The following ILKAP variants were observed in gnomAD, a reference collection of about 807,000 sequenced individuals.
ILKAP encodes integrin-linked kinase-associated serine/threonine phosphatase 2C.
ILKAP carries 11 observed loss-of-function variants against 49.1 expected under a neutral mutation model. That is an observed-to-expected ratio of 0.22 (90% CI 0.14 to 0.37). The LOEUF (loss-of-function observed/expected upper bound fraction) is 0.37, where lower values mean the gene tolerates loss of function less well. Among genes scored for constraint, ILKAP ranks in the 10% least tolerant of loss-of-function variants. ILKAP has a pLI of 1.00. For synonymous variants in ILKAP, 186 were observed against 192.8 expected (o/e 0.96, Z 0.29); for missense variants, 363 against 510.8 (o/e 0.71, Z 2.79).
rs142249521 is a variant in ILKAP, at chr2:238,175,856, C to A, written c.837-2203G>T. ...CAGTGGCTATTCACAGACATGGTGG[C>A]GCATTATAGCTTCAAGCTCCTGGAC... On this transcript the variant is annotated intron_variant, in intron 9 of 11. Coordinates refer to ENST00000254654, the MANE Select transcript of ILKAP (RefSeq NM_030768.3). 2.6e-5 allele frequency among the ~76,000 whole-genome samples: 4 copies of A among 151,450 alleles called. No individual in the cohort carries two copies. In the South Asian group the frequency reaches 8.4e-4, roughly 32 times the overall value.
chr2:238,189,953 T>A lies in ILKAP; in HGVS notation c.198A>T (p.Ile66=). ...TCCCTTCAGTCTTTACCATCTGGGA[T>A]ATTGATGTGGCAAGAGAACCTGGAA... The part of the protein sequence containing the change: ...SGDSGSLATS[I]SQMVKTEGKG... Residue 66 remains isoleucine (I), a synonymous_variant, in exon 4 of 12, where the codon ATA becomes ATT. Transcript: ENST00000254654. The A allele has an allele frequency of 6.2e-7, 1 of 1,614,032 alleles. No homozygotes were observed. Among genetic ancestry groups the A allele is most frequent in the East Asian group, 2.2e-5 (1 of 44,872 alleles).
At position 238,191,905 on chromosome 2, in the gene ILKAP, A is replaced by G. The variant is rs547601486; in HGVS notation, c.179-1933T>C. ...AGGCAACAGAGCAAGGCTCCATCTC[A>G]AAAAAAAAAAAAAGAAAAAGAAAAA... On this transcript the variant is annotated intron_variant, in intron 3 of 11. Coordinates refer to ENST00000254654, the MANE Select transcript of ILKAP (RefSeq NM_030768.3). Among the ~76,000 whole-genome samples the G allele has an allele frequency of 4.4e-5, 6 of 137,504 alleles. No homozygotes were observed. In the East Asian group the frequency reaches 1.3e-3, roughly 29 times the overall value. 90.2% of individuals were successfully genotyped at this position (137,504 alleles called of 152,430 possible).
chr2:238,178,540 T>C (rs1693562431), intron 9 of ILKAP, among the ~76,000 whole-genome samples: 1 of 152,222 alleles, frequency 6.6e-6, no homozygotes, highest in South Asian at 2.1e-4. Context: ...AATATACTGT[T>C]GTTAAGAACC....
rs1341549485 is a variant in ILKAP, at chr2:238,176,557, TTC to T, written c.837-2906_837-2905del. ...TTTGCTTTGTGCTGCTTTATTTCTC[TTC>T]TCTGTTTTCTGCCAACCAGAAAACT... On this transcript the variant is annotated intron_variant, in intron 9 of 11. Transcript: ENST00000254654. 2.0e-5 allele frequency among the ~76,000 whole-genome samples: 3 copies of T among 152,378 alleles called. No individual in the cohort carries two copies. The East Asian group carries it at 5.8e-4, about 29-fold the overall frequency.
intron 1 of ILKAP, among the ~76,000 whole-genome samples, chr2:238,195,893 A>G (rs1694321274): frequency 6.6e-6 from 1 of 151,634 alleles, no homozygotes; most frequent in Non-Finnish European, 1.5e-5. Context: ...AAATACAAAA[A>G]TTAGCCAGGT....
chr2:238,185,499 T>TTA lies in ILKAP; in HGVS notation c.426-213_426-212insTA, dbSNP rs1553590793. 10 of 430,016 alleles carry TTA rather than the reference T, an allele frequency of 2.3e-5. No homozygotes were observed. The East Asian group carries it at 4.0e-4, about 17-fold the overall frequency. The allele number at this position is 430,016 out of a possible 1,614,324, so 26.6% of individuals were successfully genotyped here. A position where few individuals can be genotyped will look rare whatever the true frequency, so the allele number is the denominator to read the frequency against. On this transcript the variant is annotated intron_variant, in intron 5 of 11. Coordinates refer to ENST00000254654, the MANE Select transcript of ILKAP (RefSeq NM_030768.3). ...ACTTTCACAGCATTTTATCTTTTTT[T>TTA]AAAAAAAAAATACTTGTGTGTGGGC...
In ILKAP at chr2:238,184,051, C is replaced by T; in HGVS notation, c.595G>A (p.Asp199Asn). ...GAAGCTTGTTTAAGGAACTCTTCAT[C>T]AGTATGCTTGAAAGTGTCCAAAAGG... ...RCLLDTFKHT[D>N]EEFLKQASSQ... The change falls in exon 7 of 12, where the codon GAT (aspartate) becomes AAT (asparagine). Residue 199 changes from aspartate (D) to asparagine (N), a missense_variant. Asp to Asn is a conservative substitution (Grantham distance 23). This residue lies in a region of ILKAP where 166 missense variants were observed against 307.3 expected (regional missense o/e 0.54). Transcript: ENST00000254654. 1.2e-6 allele frequency: 2 copies of T among 1,610,914 alleles called. No homozygotes were observed. Among genetic ancestry groups the T allele is most frequent in the Non-Finnish European group, 1.7e-6 (2 of 1,177,022 alleles).
At chr2:238,172,368 C>G (rs1693260402) in intron 10 of ILKAP, among the ~76,000 whole-genome samples, 1 of 152,206 alleles carries the variant, frequency 6.6e-6, no homozygotes, top group South Asian at 2.1e-4. Context: ...CCTCGTTTAA[C>G]TAGGCTTTCA....
Position 238,170,421 on chromosome 2 carries a change from C to A in ILKAP, c.*115G>T. The A allele has an allele frequency of 1.7e-6, 2 of 1,170,724 alleles. No homozygotes were observed. Among genetic ancestry groups the A allele is most frequent in the East Asian group, 2.5e-5 (1 of 40,066 alleles). The allele number at this position is 1,170,724 out of a possible 1,614,324, so 72.5% of individuals were successfully genotyped here. On this transcript the variant is annotated 3_prime_UTR_variant, in exon 12 of 12. Transcript: ENST00000254654. ...AAAGACTAGGAAAAAAAAAGAGAAA[C>A]CTTTATTTACAACCATGGGAGTCCC...
intron 3 of ILKAP, among the ~76,000 whole-genome samples, chr2:238,193,935 AT>A (rs1353425486): frequency 6.6e-6 from 1 of 152,250 alleles, no homozygotes; most frequent in Non-Finnish European, 1.5e-5. Context: ...GCCTCGATAC[AT>A]TTGAGTCAAG....
intron 9 of ILKAP, among the ~76,000 whole-genome samples, chr2:238,177,046 T>G (rs1374387): frequency 0.48 from 73,058 of 152,178 alleles, 17,805 homozygotes; most frequent in Middle Eastern, 0.59. Context: ...ATATGTAAAC[T>G]TCCCATCTGT....
chr2:238,196,689 G>A lies in ILKAP; in HGVS notation c.56-1819C>T, dbSNP rs145731686. Among the ~76,000 whole-genome samples the A allele has an allele frequency of 2.0e-3, 309 of 152,216 alleles. 1 individual carries two copies. Among genetic ancestry groups the A allele is most frequent in the African/African-American group, 6.9e-3 (287 of 41,522 alleles). On this transcript the variant is annotated intron_variant, in intron 1 of 11. Transcript: ENST00000254654. ...AACTTAAGGGAATGAAATTTCTCCC[G>A]GGGTCTTTGCGTCAGAAGTACCTAA... is the stretch of plus-strand genomic sequence containing the variant.
At chr2:238,185,681 A>G in intron 5 of ILKAP, 2 of 166,334 alleles carry the variant, frequency 1.2e-5, no homozygotes, top group Non-Finnish European at 2.6e-5. Context: ...GCAGGCACCT[A>G]CAGTCCCAGC....
intron 9 of ILKAP, among the ~76,000 whole-genome samples, chr2:238,176,411 G>A (rs550076918): frequency 4.6e-5 from 7 of 152,126 alleles, no homozygotes; most frequent in East Asian, 1.9e-4. Flanking sequence ...GATTACAGGC[G>A]TGAGCCACCA....
At chr2:238,176,014 C>T (rs1693436890) in intron 9 of ILKAP, among the ~76,000 whole-genome samples, 1 of 152,134 alleles carries the variant, frequency 6.6e-6, no homozygotes, top group Non-Finnish European at 1.5e-5. Flanking sequence ...GTCTGTTTCA[C>T]AGCAGGTTCT....
At chr2:238,172,665 C>A (rs1212881859) in intron 10 of ILKAP, among the ~76,000 whole-genome samples, 1 of 152,184 alleles carries the variant, frequency 6.6e-6, no homozygotes, top group Non-Finnish European at 1.5e-5. Context: ...TGGCTCAAGA[C>A]AAGGCCAAGC....
intron 1 of ILKAP, 27 bp from the exon 2 acceptor site, chr2:238,194,897 A>C (rs758587790): frequency 6.4e-7 from 1 of 1,552,642 alleles, no homozygotes; most frequent in Non-Finnish European, 8.9e-7. Context: ...CTGTTTAGAG[A>C]GCATATGGTC....
intron 1 of ILKAP, among the ~76,000 whole-genome samples, chr2:238,202,349 A>G (rs1046278746): frequency 6.6e-6 from 1 of 152,190 alleles, no homozygotes; most frequent in African/African-American, 2.4e-5. Context: ...TCCCTCCTCA[A>G]GAGTCCTCAG....
At chr2:238,177,907 A>G (rs1008609905) in intron 9 of ILKAP, among the ~76,000 whole-genome samples, 1 of 152,116 alleles carries the variant, frequency 6.6e-6, no homozygotes, top group African/African-American at 2.4e-5. Flanking sequence ...TGTTTTCCAT[A>G]GTGGCTACAC....
Sources: gnomAD v4.1 joint callset for allele counts (sites outside exome capture counted in the v4.1 genomes callset) on GRCh38, gnomAD v4.1.1 for gene constraint, gnomAD v4.1.1 regional missense constraint, MANE v1.5 for transcripts, NCBI Gene and HGNC (gene_info 2026-07-23, HGNC 2026-07-21) for gene names.